Variants in THRB observed in about 807,000 individuals in gnomAD.
The protein encoded by THRB is nuclear receptor subfamily 1 group A member 2.
Under a neutral mutation model 47.8 loss-of-function variants are expected in THRB, and 12 were observed. The ratio of observed to expected loss-of-function variants is 0.25; its 90% CI spans 0.16 to 0.41. THRB has a LOEUF of 0.41. Among genes scored for constraint, THRB ranks in the 10% least tolerant of loss-of-function variants. The pLI is 1.00. For missense variants in THRB, 348 were observed against 589.2 expected (o/e 0.59, Z 4.24); for synonymous variants, 218 against 212.2 (o/e 1.03, Z -0.24).
At chr3:24,331,416 T>C (rs1481238470) in intron 2 of THRB, among the ~76,000 whole-genome samples, 1 of 152,192 alleles carries the variant, frequency 6.6e-6, no homozygotes, top group Admixed American at 6.5e-5. Context: ...GATGACTTCC[T>C]ACTCATCTTT....
In THRB at chr3:24,337,824, C is replaced by T. The variant is rs372303785; in HGVS notation, c.-260-453G>A. Among the ~76,000 whole-genome samples the T allele has an allele frequency of 2.0e-5, 3 of 151,960 alleles. No individual in the cohort carries two copies. The East Asian group carries it at 5.8e-4, about 29-fold the overall frequency. On this transcript the variant is annotated intron_variant, in intron 1 of 10. Transcript: ENST00000646209. ...GCTGCAATTGAGCTGTCGGGTGGGGCACTGCCATATGAACCTGTGGGGAAG... is the reference window on the plus strand; with the variant it reads ...GCTGCAATTGAGCTGTCGGGTGGGGTACTGCCATATGAACCTGTGGGGAAG...
chr3:24,368,286 C>T (rs968206926), intron 1 of THRB, among the ~76,000 whole-genome samples: 1 of 152,088 alleles, frequency 6.6e-6, no homozygotes, highest in South Asian at 2.1e-4. Context: ...CCTCTTTGTG[C>T]CCCCTGACTT....
At chr3:24,356,556 C>T (rs2063684421) in intron 1 of THRB, among the ~76,000 whole-genome samples, 1 of 152,120 alleles carries the variant, frequency 6.6e-6, no homozygotes, top group Non-Finnish European at 1.5e-5. Flanking sequence ...CTAATATGAT[C>T]CCATTCTATT....
At chr3:24,217,237 A>G (rs981083998) in intron 4 of THRB, among the ~76,000 whole-genome samples, 5 of 152,100 alleles carry the variant, frequency 3.3e-5, no homozygotes, top group African/African-American at 7.2e-5. Context: ...AGAGGAAACT[A>G]TGAGCCATTT....
At chr3:24,144,800 G>C (rs770320703) in intron 7 of THRB, 1 of 152,010 alleles carries the variant, frequency 6.6e-6, no homozygotes, top group Non-Finnish European at 1.5e-5. Flanking sequence ...TAAAGTCACA[G>C]AGCAAGTTAA....
intron 5 of THRB, among the ~76,000 whole-genome samples, chr3:24,159,114 A>G (rs961752139): frequency 6.6e-6 from 1 of 152,234 alleles, no homozygotes; most frequent in Non-Finnish European, 1.5e-5. Context: ...CTTGAGAAAA[A>G]CAAGTGTCAT....
intron 2 of THRB, among the ~76,000 whole-genome samples, chr3:24,304,041 T>A (rs2057152661): frequency 9.7e-6 from 1 of 102,992 alleles, no homozygotes; most frequent in Admixed American, 1.2e-4. Context: ...TGAAATTAGC[T>A]CATATTTTTT....
At chr3:24,145,657 T>C (rs1255661832) in intron 7 of THRB, among the ~76,000 whole-genome samples, 2 of 152,194 alleles carry the variant, frequency 1.3e-5, no homozygotes, top group Non-Finnish European at 2.9e-5. Flanking sequence ...TCTTCCTTTT[T>C]AAAGATTCTC....
chr3:24,139,272 A>C (rs1012295587), intron 8 of THRB, among the ~76,000 whole-genome samples: 1 of 152,228 alleles, frequency 6.6e-6, no homozygotes, highest in African/African-American at 2.4e-5. Flanking sequence ...TGGCTTTTGC[A>C]AAAGTTCCTC....
chr3:24,477,088 GTGT>G (rs1356763294), intron 1 of THRB, among the ~76,000 whole-genome samples: 1 of 126,692 alleles, frequency 7.9e-6, no homozygotes, highest in African/African-American at 3.2e-5. Context: ...ATAAAGGGGT[GTGT>G]GTGTGTGTGT....
intron 3 of THRB, among the ~76,000 whole-genome samples, chr3:24,295,356 G>A (rs1576624012): frequency 1.3e-5 from 2 of 152,220 alleles, no homozygotes; most frequent in South Asian, 4.1e-4. Context: ...CAATAATACA[G>A]TATAGGATTA....
chr3:24,436,902 T>C (rs887543866), intron 1 of THRB, among the ~76,000 whole-genome samples: 4 of 152,026 alleles, frequency 2.6e-5, no homozygotes, highest in Admixed American at 6.6e-5. Flanking sequence ...GATAGAAACA[T>C]CCCAGTTCTC....
At position 24,224,085 on chromosome 3, in the gene THRB, A is replaced by G. The variant is rs2047416269; in HGVS notation, c.22+4853T>C. On this transcript the variant is annotated intron_variant, in intron 4 of 10. Transcript: ENST00000646209. The stretch of plus-strand genomic sequence containing the variant: ...GCTGTTGGATGTCTCAATTGGTCCA[A>G]TAATCTGGCTAAAATGTGAAAACAG... 2.6e-5 allele frequency among the ~76,000 whole-genome samples: 4 copies of G among 152,340 alleles called. No homozygotes were observed. In the South Asian group the frequency reaches 8.3e-4, roughly 32 times the overall value.
chr3:24,485,128 A>G (rs1697094226), intron 1 of THRB, among the ~76,000 whole-genome samples: 1 of 152,234 alleles, frequency 6.6e-6, no homozygotes, highest in Non-Finnish European at 1.5e-5. Context: ...CAATGTAATC[A>G]TATAGAAACA....
intron 2 of THRB, among the ~76,000 whole-genome samples, chr3:24,317,549 A>G (rs1051209011): frequency 6.6e-6 from 1 of 152,202 alleles, no homozygotes; most frequent in Non-Finnish European, 1.5e-5. Flanking sequence ...TAAGAAAACT[A>G]AAAGTGGGCT....
intron 3 of THRB, among the ~76,000 whole-genome samples, chr3:24,234,240 G>A (rs900141165): frequency 3.3e-5 from 5 of 152,058 alleles, no homozygotes; most frequent in African/African-American, 9.7e-5. Flanking sequence ...TAAGCCATTT[G>A]GTATATATTT....
At chr3:24,244,373 T>C (rs2049896152) in intron 3 of THRB, among the ~76,000 whole-genome samples, 1 of 152,210 alleles carries the variant, frequency 6.6e-6, no homozygotes, top group Non-Finnish European at 1.5e-5. Flanking sequence ...ATGTGGATTT[T>C]CTCTGGCTTG....
chr3:24,269,399 GCGCGCA>G (rs1426587353), intron 3 of THRB, among the ~76,000 whole-genome samples: 4,555 of 89,400 alleles, frequency 0.051, 74 homozygotes, highest in East Asian at 0.071. Flanking sequence ...GCGCGCGCGC[GCGCGCA>G]CACACACACA....
Position 24,411,690 on chromosome 3 carries a change from C to A in THRB, c.-260-74319G>T, listed in dbSNP as rs1034679573. The stretch of plus-strand genomic sequence containing the variant: ...TCCCACAAGAGACATTTGGCAATAC[C>A]TGGGAACATTTTTTGGTTGTCACAC... On this transcript the variant is annotated intron_variant, in intron 1 of 10. Transcript: ENST00000646209. Among the ~76,000 whole-genome samples, 4 of 151,664 alleles carry A rather than the reference C, an allele frequency of 2.6e-5. No individual in the cohort carries two copies. The South Asian group carries it at 8.3e-4, about 32-fold the overall frequency.
Sources: gnomAD v4.1 joint callset for allele counts (sites outside exome capture counted in the v4.1 genomes callset) on GRCh38, gnomAD v4.1.1 for gene constraint, MANE v1.5 for transcripts, NCBI Gene and HGNC (gene_info 2026-07-23, HGNC 2026-07-21) for gene names.